Variants in AFG2A observed in about 807,000 individuals in gnomAD.
AFG2A encodes the protein ATPase family gene 2 protein homolog A.
the AFG2A span, among the ~76,000 whole-genome samples, chr4:123,145,835 C>T: frequency 3.3e-5 from 5 of 152,078 alleles, no homozygotes; most frequent in South Asian, 8.3e-4. Context: ...AACTGGACTA[C>T]GAACTTTTAA....
chr4:123,144,396 G>A, the AFG2A span, among the ~76,000 whole-genome samples: 1,678 of 152,166 alleles, frequency 0.011, 20 homozygotes, highest in Non-Finnish European at 0.016. Flanking sequence ...AAGTAATATA[G>A]TAATGCTAAC....
the AFG2A span, among the ~76,000 whole-genome samples, chr4:122,996,106 C>T: frequency 6.6e-6 from 1 of 152,198 alleles, no homozygotes; most frequent in African/African-American, 2.4e-5. Context: ...AATCTGTGCT[C>T]ATTAGCCTCC....
the AFG2A span, chr4:122,923,287 A>T: frequency 1.9e-6 from 3 of 1,613,918 alleles, no homozygotes; most frequent in South Asian, 3.3e-5. Context: ...TCTGACGGTG[A>T]CCAACTTATT....
the AFG2A span, among the ~76,000 whole-genome samples, chr4:123,143,152 G>A: frequency 6.6e-6 from 1 of 150,656 alleles, no homozygotes; most frequent in Admixed American, 6.6e-5. Flanking sequence ...TCAGATAAGG[G>A]GTATTCACCC....
At chr4:122,967,428 A>G in the AFG2A span, among the ~76,000 whole-genome samples, 2 of 152,126 alleles carry the variant, frequency 1.3e-5, no homozygotes, top group African/African-American at 4.8e-5. Flanking sequence ...AACGGCATGT[A>G]AAAAATGCTG....
chr4:123,012,862 G>C, the AFG2A span, among the ~76,000 whole-genome samples: 1 of 151,970 alleles, frequency 6.6e-6, no homozygotes, highest in African/African-American at 2.4e-5. Context: ...AGAGGTCGTA[G>C]GTGGATCTTT....
the AFG2A span, among the ~76,000 whole-genome samples, chr4:123,066,893 G>A: frequency 1.3e-5 from 2 of 152,096 alleles, no homozygotes; most frequent in Non-Finnish European, 2.9e-5. Context: ...AGTTTTATGT[G>A]GTATGAGAGT....
chr4:123,007,637 C>CAAA, the AFG2A span, among the ~76,000 whole-genome samples: 5 of 23,782 alleles, frequency 2.1e-4, no homozygotes, highest in Non-Finnish European at 4.3e-4. Flanking sequence ...TATACACACA[C>CAAA]ACACAACACA....
At chr4:123,232,893 C>T in the AFG2A span, among the ~76,000 whole-genome samples, 47 of 152,146 alleles carry the variant, frequency 3.1e-4, no homozygotes, top group South Asian at 7.1e-3. Context: ...TTCTTAGCAT[C>T]ACAATGAAAT....
the AFG2A span, among the ~76,000 whole-genome samples, chr4:123,043,595 C>T: frequency 4.6e-5 from 7 of 152,158 alleles, no homozygotes; most frequent in Non-Finnish European, 1.0e-4. Context: ...CCCTAAAGAA[C>T]TGAGTGTCCT....
the AFG2A span, among the ~76,000 whole-genome samples, chr4:122,965,552 C>G: frequency 6.6e-6 from 1 of 152,060 alleles, no homozygotes; most frequent in Non-Finnish European, 1.5e-5. Context: ...TTTAAGAGCA[C>G]TGGAAAATAA....
chr4:122,923,702 G>A, the AFG2A span, among the ~76,000 whole-genome samples: 2 of 152,128 alleles, frequency 1.3e-5, no homozygotes, highest in Admixed American at 6.5e-5. Flanking sequence ...CTGCCTTTAG[G>A]AGTGATGATA....
At chr4:123,183,511 A>G in the AFG2A span, among the ~76,000 whole-genome samples, 1 of 152,212 alleles carries the variant, frequency 6.6e-6, no homozygotes, top group Non-Finnish European at 1.5e-5. Context: ...CATGTGCATT[A>G]TCAGCATTTT....
the AFG2A span, chr4:123,255,954 T>A: frequency 6.3e-7 from 1 of 1,586,488 alleles, no homozygotes; most frequent in Non-Finnish European, 8.6e-7. Context: ...TCCCTAGGTA[T>A]CTTTGAGATG....
chr4:123,013,406 C>T, the AFG2A span, among the ~76,000 whole-genome samples: 187 of 152,316 alleles, frequency 1.2e-3, no homozygotes, highest in African/African-American at 3.8e-3. Flanking sequence ...TACTAACTCT[C>T]CAACTTTTTT....
the AFG2A span, among the ~76,000 whole-genome samples, chr4:122,991,709 A>AG: frequency 2.0e-5 from 3 of 152,192 alleles, no homozygotes; most frequent in Admixed American, 2.0e-4. Flanking sequence ...TAGGTTACTT[A>AG]GTGTGGTTTT....
At chr4:123,048,491 A>G in the AFG2A span, among the ~76,000 whole-genome samples, 24,815 of 152,100 alleles carry the variant, frequency 0.16, 2,464 homozygotes, top group East Asian at 0.45. Flanking sequence ...ATTCATGAGC[A>G]TGGGATATCT....
chr4:123,111,384 A>C, the AFG2A span, among the ~76,000 whole-genome samples: 1 of 152,206 alleles, frequency 6.6e-6, no homozygotes, highest in Non-Finnish European at 1.5e-5. Context: ...TGATTCATTA[A>C]GCCTTTCTTT....
chr4:123,168,874 T>C, the AFG2A span, among the ~76,000 whole-genome samples: 2 of 152,360 alleles, frequency 1.3e-5, no homozygotes, highest in African/African-American at 4.8e-5. Flanking sequence ...TTGTAGGTTA[T>C]TGAGATTTAA....
Sources: allele counts gnomAD v4.1 joint callset (sites outside exome capture counted in the v4.1 genomes callset), GRCh38; gene constraint gnomAD v4.1.1; transcripts MANE v1.5; gene names NCBI Gene and HGNC (gene_info 2026-07-23, HGNC 2026-07-21).